Variants in TRIM34 observed in about 807,000 individuals in gnomAD.
TRIM34 encodes tripartite motif containing 34.
TRIM34 carries 41 observed loss-of-function variants against 38.1 expected under a neutral mutation model. The ratio of observed to expected loss-of-function variants is 1.08; its 90% CI spans 0.84 to 1.40. The LOEUF (loss-of-function observed/expected upper bound fraction) is 1.40. TRIM34 is among the 40% of genes most tolerant of loss of function. The pLI, the probability that TRIM34 is intolerant of heterozygous loss-of-function variation, is 0.00. For synonymous variants in TRIM34, 200 were observed against 202.5 expected, an observed-to-expected ratio of 0.99 and a Z score of 0.10; for missense variants, 556 against 571.4, an observed-to-expected ratio of 0.97 and a Z score of 0.27.
upstream of TRIM34, among the ~76,000 whole-genome samples, chr11:5,622,069 G>C (rs750624238): frequency 2.0e-5 from 3 of 152,138 alleles, no homozygotes; most frequent in Non-Finnish European, 4.4e-5. Context: ...AGACTAGACA[G>C]TTGTTAAGAA....
chr11:5,632,309 G>A lies in TRIM34; in HGVS notation c.-23G>A. On this transcript the variant is annotated 5_prime_UTR_variant, in exon 2 of 8. Coordinates refer to ENST00000429814, the MANE Select transcript of TRIM34 (RefSeq NM_021616.6). ...AGGAGAGCCTCAGGAGTTAGGACCA[G>A]AAGAAGCCAGGGAAGCAGTGCAATG... The A allele has an allele frequency of 6.2e-7, 1 of 1,614,048 alleles. No individual in the cohort carries two copies. Among genetic ancestry groups the A allele is most frequent in the Non-Finnish European group, 8.5e-7 (1 of 1,179,960 alleles).
At chr11:5,623,011 C>T (rs1328812423), upstream of TRIM34, among the ~76,000 whole-genome samples, 1 of 150,654 alleles carries the variant, frequency 6.6e-6, no homozygotes, top group African/African-American at 2.4e-5. Context: ...AGATAAAAGA[C>T]AAACAGGTTG....
chr11:5,642,594 G>C, intron 6 of TRIM34, 88 bp downstream of exon 6: 1 of 1,498,924 alleles, frequency 6.7e-7, no homozygotes, highest in East Asian at 2.4e-5. Flanking sequence ...TAAAATTGAG[G>C]ACAGAAGAGA....
Position 5,642,852 on chromosome 11 carries a change from A to C in TRIM34, c.901+9A>C. 2 of 1,613,840 alleles carry C rather than the reference A, an allele frequency of 1.2e-6. No individual in the cohort carries two copies. The highest frequency in any genetic ancestry group is 3.3e-5 in the Admixed American group (2 of 59,980). On this transcript the variant is annotated intron_variant, in intron 7 of 7. Coordinates refer to ENST00000429814, the MANE Select transcript of TRIM34 (RefSeq NM_021616.6). ...TGTCCGGTGCTACTGGGGTAAGAAA[A>C]AGTTAGTCTTTAAATAACTGTTTTC...
Position 5,632,286 on chromosome 11 carries a change from G to C in TRIM34, c.-46G>C. On this transcript the variant is annotated 5_prime_UTR_variant, in exon 2 of 8. Coordinates refer to ENST00000429814, the MANE Select transcript of TRIM34 (RefSeq NM_021616.6). Reference sequence around the variant, plus strand: ...AGGGGTCTTTAACCAGAAGAGAGAGGAGAGCCTCAGGAGTTAGGACCAGAA... The same window carrying C: ...AGGGGTCTTTAACCAGAAGAGAGAGCAGAGCCTCAGGAGTTAGGACCAGAA... 2 of 1,612,946 alleles carry C rather than the reference G, an allele frequency of 1.2e-6. No individual in the cohort carries two copies. Among genetic ancestry groups the C allele is most frequent in the Non-Finnish European group, 1.7e-6 (2 of 1,179,448 alleles).
rs117406749 is a variant in TRIM34 at position 5,636,152 on chromosome 11, G to A, written c.750+1291G>A. ...TCTCCTTAAACTGATGATTGGATAA[G>A]CAAAATGTGTTATATCCAAACAATG... On this transcript the variant is annotated intron_variant, in intron 4 of 7. Coordinates refer to ENST00000429814, the MANE Select transcript of TRIM34 (RefSeq NM_021616.6). Among the ~76,000 whole-genome samples the A allele has an allele frequency of 6.2e-3, 949 of 152,278 alleles. 13 individuals are homozygous for A. The highest frequency in any genetic ancestry group is 9.7e-3 in the Non-Finnish European group (659 of 68,028).
intron 1 of TRIM34, among the ~76,000 whole-genome samples, chr11:5,627,642 A>G (rs556782125): frequency 6.6e-6 from 1 of 152,180 alleles, no homozygotes. Flanking sequence ...AGAGTCATTA[A>G]TGTGGTATAG....
At chr11:5,638,623 T>C (rs1849848210) in intron 4 of TRIM34, among the ~76,000 whole-genome samples, 1 of 152,232 alleles carries the variant, frequency 6.6e-6, no homozygotes. Flanking sequence ...TGTTTTAGTG[T>C]CTGGGACAGG....
intron 4 of TRIM34, among the ~76,000 whole-genome samples, chr11:5,636,718 A>T (rs878910463): frequency 1.3e-5 from 2 of 152,214 alleles, no homozygotes; most frequent in African/African-American, 4.8e-5. Context: ...ATATTGGTAG[A>T]TCAAAAATTA....
At chr11:5,641,952 A>G (rs1004257070) in intron 5 of TRIM34, among the ~76,000 whole-genome samples, 12 of 152,192 alleles carry the variant, frequency 7.9e-5, no homozygotes, top group Non-Finnish European at 1.2e-4. Flanking sequence ...ACAGGCTGAC[A>G]GGATTTCCCT....
intron 4 of TRIM34, among the ~76,000 whole-genome samples, chr11:5,636,374 G>C (rs1849734331): frequency 6.6e-6 from 1 of 152,156 alleles, no homozygotes; most frequent in South Asian, 2.1e-4. Context: ...GGAAGAATAG[G>C]AAGTAATTGC....
upstream of TRIM34, among the ~76,000 whole-genome samples, chr11:5,621,429 AGCTCTAAGTACAT>A (rs1358428062): frequency 1.3e-5 from 2 of 152,228 alleles, no homozygotes; most frequent in East Asian, 3.8e-4. Context: ...GTTTACATAG[AGCTCTAAGTACAT>A]GCCCATGGAA....
chr11:5,642,577 G>T (rs1850060564), intron 6 of TRIM34, 71 bp downstream of exon 6: 1 of 1,549,668 alleles, frequency 6.5e-7, no homozygotes, highest in South Asian at 1.2e-5. Flanking sequence ...GTCTAGGTGG[G>T]ATAACTTAAA....
intron 1 of TRIM34, among the ~76,000 whole-genome samples, chr11:5,628,187 C>T (rs955461310): frequency 6.6e-6 from 1 of 152,198 alleles, no homozygotes; most frequent in Non-Finnish European, 1.5e-5. Flanking sequence ...CAACATGCAT[C>T]CTCACTGTGA....
chr11:5,632,783 C>A, intron 2 of TRIM34, 29 bp downstream of exon 2: 6 of 1,517,002 alleles, frequency 4.0e-6, no homozygotes, highest in South Asian at 1.3e-5. Flanking sequence ...GGAGATGGGG[C>A]AGAAGATGGT....
chr11:5,639,832 A>G (rs1394172960), intron 4 of TRIM34, among the ~76,000 whole-genome samples: 6 of 152,000 alleles, frequency 3.9e-5, no homozygotes, highest in African/African-American at 1.4e-4. Context: ...CTTTTTTAAA[A>G]ATTAGTTTTT....
chr11:5,644,096 G>A lies in TRIM34; in HGVS notation c.*387G>A, dbSNP rs892986409. The A allele has an allele frequency of 7.3e-6, 3 of 409,262 alleles. No homozygotes were observed. Among genetic ancestry groups the A allele is most frequent in the African/African-American group, 6.2e-5 (3 of 48,684 alleles). 25.4% of individuals were successfully genotyped at this position (409,262 alleles called of 1,614,324 possible). ...CCAACATCAACTAAAGGTTCTTGGA[G>A]GGTATGTCAGTGTGTTGCTCAGGAT... On this transcript the variant is annotated 3_prime_UTR_variant, in exon 8 of 8. Transcript: ENST00000429814.
chr11:5,643,769 T>C lies in TRIM34; in HGVS notation c.*60T>C. On this transcript the variant is annotated 3_prime_UTR_variant, in exon 8 of 8. Transcript: ENST00000429814. ...TGACTTATCTCCTGCAACTGACTCA[T>C]CTGCAACATTCACACCATTGCTTCC... is the stretch of plus-strand genomic sequence containing the variant. 2 of 1,519,360 alleles carry C rather than the reference T, an allele frequency of 1.3e-6. No individual in the cohort carries two copies. Among genetic ancestry groups the C allele is most frequent in the Non-Finnish European group, 1.8e-6 (2 of 1,138,252 alleles). 94.1% of individuals were successfully genotyped at this position (1,519,360 alleles called of 1,614,324 possible). A position where few individuals can be genotyped will look rare whatever the true frequency, so the allele number is the denominator to read the frequency against.
rs1020593114 is a variant in TRIM34 at position 5,643,888 on chromosome 11, C to G, written c.*179C>G. On this transcript the variant is annotated 3_prime_UTR_variant, in exon 8 of 8. Transcript: ENST00000429814. ...AGAGATGCTTATTTATTCATTTACT[C>G]TTTTTCATATTTTCAGAGAAAGTTA... is the stretch of plus-strand genomic sequence containing the variant. The G allele has an allele frequency of 6.1e-6, 5 of 817,520 alleles. No homozygotes were observed. The highest frequency in any genetic ancestry group is 9.1e-6 in the Non-Finnish European group (5 of 549,562). The allele number at this position is 817,520 out of a possible 1,614,324, so 50.6% of individuals were successfully genotyped here.
Sources: allele counts gnomAD v4.1 joint callset (sites outside exome capture counted in the v4.1 genomes callset), GRCh38; gene constraint gnomAD v4.1.1; transcripts MANE v1.5; gene names NCBI Gene and HGNC (gene_info 2026-07-23, HGNC 2026-07-21).